The following SULT2B1 variants were observed in gnomAD, a reference collection of about 807,000 sequenced individuals.
SULT2B1 encodes the protein sulfotransferase 2B1.
A neutral mutation model predicts 33.2 loss-of-function variants in SULT2B1; 16 were observed. That is an observed-to-expected ratio of 0.48 (90% CI 0.33 to 0.73). The LOEUF (loss-of-function observed/expected upper bound fraction) is 0.73. Among genes scored for constraint, SULT2B1 ranks in the 30% least tolerant of loss-of-function variants. The probability of loss-of-function intolerance (pLI) is 0.02; values close to 1 mark genes in which losing one functional copy is unlikely to be tolerated. For synonymous variants in SULT2B1, 186 were observed against 200.5 expected, an observed-to-expected ratio of 0.93 and a Z score of 0.61; for missense variants, 500 against 506.0, an observed-to-expected ratio of 0.99 and a Z score of 0.11.
chr19:48,560,457 C>T (rs191978825), intron 1 of SULT2B1, among the ~76,000 whole-genome samples: 64 of 151,930 alleles, frequency 4.2e-4, no homozygotes, highest in Middle Eastern at 3.4e-3. Context: ...TCAGAGGCTG[C>T]CCCTCAGTGG....
intron 1 of SULT2B1, among the ~76,000 whole-genome samples, chr19:48,553,792 C>G (rs1314689653): frequency 6.6e-6 from 1 of 152,192 alleles, no homozygotes; most frequent in Non-Finnish European, 1.5e-5. Context: ...AGAGCTGTGA[C>G]CAGGCTGGCC....
rs1314265236 is a variant in SULT2B1, at chr19:48,599,293, C to G, written c.985C>G (p.Pro329Ala). 2 of 1,610,152 alleles carry G rather than the reference C, an allele frequency of 1.2e-6. No individual in the cohort carries two copies. The highest frequency in any genetic ancestry group is 2.7e-5 in the African/African-American group (2 of 74,846). Residue 329 changes from proline to alanine, a missense_variant, in exon 7 of 7, where the codon CCC becomes GCC. By Grantham distance (27) the Pro-to-Ala change is conservative. Transcript: ENST00000201586. This position sits in a 1 kb window ranked among gnomAD's most constrained non-coding sequence, Gnocchi z 4.1. ...TCCTGAGCCCAGCCCTGAGCCTGAG[C>G]CCAAGCCCAGCCTTGAGCCCAACAC... The part of the protein sequence containing the change: ...PDPEPSPEPE[P>A]KPSLEPNTSL...
intron 3 of SULT2B1, among the ~76,000 whole-genome samples, chr19:48,589,226 G>A (rs1227400881): frequency 6.6e-6 from 1 of 152,018 alleles, no homozygotes; most frequent in Non-Finnish European, 1.5e-5. Context: ...TGACAGACTG[G>A]ATGTGGGTGT....
rs1237158651 is a variant in SULT2B1 at position 48,599,116 on chromosome 19, G to A, written c.827-19G>A. ...GCTCCCCAGAGGCTCCTCACCCCCTGGTGCCCCCTCTTCTCCAGGGGTCTG... is the reference window on the plus strand; with the variant it reads ...GCTCCCCAGAGGCTCCTCACCCCCTAGTGCCCCCTCTTCTCCAGGGGTCTG... On this transcript the variant is annotated intron_variant, in intron 6 of 6. Transcript: ENST00000201586. The surrounding 1 kb of genome is among the most constrained non-coding windows in gnomAD (Gnocchi z 4.1). The A allele has an allele frequency of 1.3e-6, 2 of 1,557,750 alleles. No homozygotes were observed. The highest frequency in any genetic ancestry group is 8.6e-7 in the Non-Finnish European group (1 of 1,156,086).
chr19:48,582,131 C>T (rs1406731626), intron 2 of SULT2B1, among the ~76,000 whole-genome samples: 1 of 150,796 alleles, frequency 6.6e-6, no homozygotes, highest in Non-Finnish European at 1.5e-5. Context: ...TCTCGAACCC[C>T]TGACCTCAGG....
chr19:48,582,723 G>T (rs1234328401), intron 2 of SULT2B1, among the ~76,000 whole-genome samples: 3 of 151,940 alleles, frequency 2.0e-5, no homozygotes, highest in Non-Finnish European at 4.4e-5. Context: ...CGCGCCTGTG[G>T]TCCCAACTAC....
At chr19:48,572,774 G>C (rs1444350391) in intron 1 of SULT2B1, among the ~76,000 whole-genome samples, 1 of 152,104 alleles carries the variant, frequency 6.6e-6, no homozygotes, top group African/African-American at 2.4e-5. Context: ...AAGGCCTGAG[G>C]TGGGCAGGAA....
chr19:48,592,849 C>T, intron 5 of SULT2B1, 33 bp downstream of exon 5: 1 of 1,530,704 alleles, frequency 6.5e-7, no homozygotes, highest in Non-Finnish European at 8.9e-7. Context: ...TGCAGCGTCC[C>T]CCCCATACCC....
chr19:48,581,615 G>A (rs1480598877), intron 2 of SULT2B1, among the ~76,000 whole-genome samples: 3 of 150,346 alleles, frequency 2.0e-5, no homozygotes, highest in East Asian at 2.0e-4. Context: ...CCACCACCAC[G>A]CCCGGCTAAT....
intron 3 of SULT2B1, 129 bp downstream of exon 3, chr19:48,587,566 A>T (rs1324597879): frequency 5.8e-6 from 6 of 1,038,450 alleles, no homozygotes; most frequent in Admixed American, 2.2e-5. Context: ...CCTGACTCTG[A>T]TCTAGCACAG....
intron 6 of SULT2B1, among the ~76,000 whole-genome samples, chr19:48,598,869 G>T (rs1166320036): frequency 6.6e-6 from 1 of 152,084 alleles, no homozygotes; most frequent in South Asian, 2.1e-4. Flanking sequence ...GACTTAAAGG[G>T]TCCGGGATAA....
intron 1 of SULT2B1, among the ~76,000 whole-genome samples, chr19:48,563,623 C>T (rs557338419): frequency 3.9e-5 from 6 of 151,940 alleles, no homozygotes; most frequent in African/African-American, 1.4e-4. Flanking sequence ...CGGTGGGGGA[C>T]GTAGAGGGGT....
chr19:48,570,628 G>A (rs971040133), intron 1 of SULT2B1, among the ~76,000 whole-genome samples: 1 of 151,638 alleles, frequency 6.6e-6, no homozygotes, highest in Admixed American at 6.6e-5. Flanking sequence ...GTCAAGTGTA[G>A]ATGTTGGTTT....
chr19:48,578,640 G>C (rs1361567060), intron 2 of SULT2B1, among the ~76,000 whole-genome samples: 1 of 152,074 alleles, frequency 6.6e-6, no homozygotes, highest in African/African-American at 2.4e-5. Flanking sequence ...AGTTTGGGAG[G>C]CTGAGGCGGG....
At chr19:48,584,356 CG>C (rs1401810222) in intron 2 of SULT2B1, among the ~76,000 whole-genome samples, 3 of 152,128 alleles carry the variant, frequency 2.0e-5, no homozygotes, top group Admixed American at 2.0e-4. Context: ...AACGTCACTG[CG>C]TGTCTAGTGC....
intron 5 of SULT2B1, 36 bp from the exon 6 acceptor site, chr19:48,596,703 G>A (rs1425865182): frequency 6.5e-7 from 1 of 1,548,250 alleles, no homozygotes; most frequent in Non-Finnish European, 8.7e-7. Context: ...TTGGCCGAGT[G>A]CCCTCCCTCC....
chr19:48,561,597 C>T (rs12611128), intron 1 of SULT2B1, among the ~76,000 whole-genome samples: 37,143 of 151,726 alleles, frequency 0.24, 5,513 homozygotes, highest in East Asian at 0.46. Context: ...GGTGCGGTTC[C>T]ACGGTGTAGT....
At position 48,591,687 on chromosome 19, in the gene SULT2B1, G is replaced by T; in HGVS notation, c.502G>T (p.Asp168Tyr). ...CTCCAAGATCGCCGGGCAGTTAAAG[G>T]ACCCGGGCACACCCGACCAGTTCCT... ...HYSKIAGQLK[D>Y]PGTPDQFLRD... is the part of the protein sequence containing the mutation. Residue 168 changes from aspartate (D) to tyrosine (Y), a missense_variant, in exon 4 of 7, where the codon GAC becomes TAC. Transcript: ENST00000201586. 6.2e-7 allele frequency: 1 copy of T among 1,612,828 alleles called. No homozygotes were observed. The highest frequency in any genetic ancestry group is 8.5e-7 in the Non-Finnish European group (1 of 1,179,394).
At position 48,596,828 on chromosome 19, in the gene SULT2B1, C is replaced by T. The variant is rs533667517; in HGVS notation, c.735C>T (p.Thr245=). ...EALGSVVAHS[T]FSAMKANTMS... ...TGGGCTCCGTCGTGGCACACTCAAC[C>T]TTCAGCGCCATGAAGGCCAACACCA... Residue 245 remains threonine (T), a synonymous_variant, in exon 6 of 7, where the codon ACC becomes ACT. Coordinates refer to ENST00000201586, the MANE Select transcript of SULT2B1 (RefSeq NM_177973.2). 37 of 1,610,020 alleles carry T rather than the reference C, an allele frequency of 2.3e-5. No individual in the cohort carries two copies. The African/African-American group carries it at 3.5e-4, about 15-fold the overall frequency.
Sources: gnomAD v4.1 joint callset for allele counts (sites outside exome capture counted in the v4.1 genomes callset) on GRCh38, gnomAD v4.1.1 for gene constraint, Gnocchi (gnomAD v3.1) non-coding constraint, MANE v1.5 for transcripts, NCBI Gene and HGNC (gene_info 2026-07-23, HGNC 2026-07-21) for gene names.